Variants in LRP12 observed in about 807,000 individuals in gnomAD.
The protein encoded by LRP12 is LDL receptor related protein 12.
LRP12 carries 14 observed loss-of-function variants against 66.0 expected under a neutral mutation model. That is an observed-to-expected ratio of 0.21 (90% CI 0.14 to 0.33). LRP12 has a LOEUF of 0.33. Among genes scored for constraint, LRP12 ranks in the 10% least tolerant of loss-of-function variants. The pLI, the probability that LRP12 is intolerant of heterozygous loss-of-function variation, is 1.00. For missense variants in LRP12, 889 were observed against 1,053.4 expected (o/e 0.84, Z 2.16); for synonymous variants, 357 against 359.1 (o/e 0.99, Z 0.07).
rs373050108 is a variant in LRP12 at position 104,491,447 on chromosome 8, A to C, written c.1806T>G (p.Ile602Met). 63 of 1,613,996 alleles carry C rather than the reference A, an allele frequency of 3.9e-5. 1 individual carries two copies. The Middle Eastern group carries it at 3.9e-3, about 101-fold the overall frequency. ...TTGCAAAATTAAAAATACGGTTCCA[A>C]ATGTTGCTTGATCTGCCTGCCATAG... is the stretch of plus-strand genomic sequence containing the variant. ...RLPMAGRSSN[I>M]WNRIFNFARS... Residue 602 changes from isoleucine to methionine, a missense_variant, in exon 7 of 7, where the codon ATT (isoleucine) becomes ATG (methionine). Ile to Met is a conservative substitution (Grantham distance 10). Around this residue, in one of 3 missense-constraint regions of LRP12, gnomAD observed 800 missense variants for 964.5 expected, o/e 0.83. Transcript: ENST00000276654.
In LRP12 at chr8:104,537,569, G is replaced by A. The variant is rs1045139867; in HGVS notation, c.80-5606C>T. Among the ~76,000 whole-genome samples, 112 of 152,108 alleles carry A rather than the reference G, an allele frequency of 7.4e-4. 1 individual carries two copies. The highest frequency in any genetic ancestry group is 7.1e-3 in the Admixed American group (109 of 15,254). ...CAGGAAGTCCACCCACACCTTAGGA[G>A]TAGAGCTAACTGCCAAGTAAAAGCT... On this transcript the variant is annotated intron_variant, in intron 1 of 6. Transcript: ENST00000276654.
Position 104,489,285 on chromosome 8 carries a change from C to CAT in LRP12, c.*1386_*1387dup, listed in dbSNP as rs1184182682. On this transcript the variant is annotated 3_prime_UTR_variant, in exon 7 of 7. Transcript: ENST00000276654. ...AAAAAAATCATTTTAATTTTTGATA[C>CAT]ATATTAAAACATCTTAGTCAGTTCC... 1 of 152,420 alleles carries CAT rather than the reference C, an allele frequency of 6.6e-6. No homozygotes were observed. Among genetic ancestry groups the CAT allele is most frequent in the African/African-American group, 2.4e-5 (1 of 41,406 alleles). 9.4% of individuals were successfully genotyped at this position (152,420 alleles called of 1,614,324 possible).
At chr8:104,492,916 A>C (rs1015828393) in intron 6 of LRP12, among the ~76,000 whole-genome samples, 4 of 152,176 alleles carry the variant, frequency 2.6e-5, no homozygotes, top group Non-Finnish European at 5.9e-5. Context: ...CTGCTCCTCA[A>C]CAGTGAGCAT....
chr8:104,559,093 A>T (rs1005055532), intron 1 of LRP12, among the ~76,000 whole-genome samples: 4 of 152,218 alleles, frequency 2.6e-5, no homozygotes, highest in African/African-American at 9.6e-5. Context: ...TTGATACAGC[A>T]ATCCCACTAC....
intron 2 of LRP12, among the ~76,000 whole-genome samples, chr8:104,522,532 AAGATTCTAAGT>A (rs1811168269): frequency 6.6e-6 from 1 of 152,146 alleles, no homozygotes; most frequent in Admixed American, 6.6e-5. Flanking sequence ...TGCCTGACAG[AAGATTCTAAGT>A]CAAATGCAGA....
intron 2 of LRP12, among the ~76,000 whole-genome samples, chr8:104,513,331 TA>T (rs1453143596): frequency 1.3e-5 from 2 of 152,214 alleles, no homozygotes; most frequent in Admixed American, 1.3e-4. Flanking sequence ...GGGGCGCTAT[TA>T]ATAATTTCCT....
intron 1 of LRP12, among the ~76,000 whole-genome samples, chr8:104,539,663 T>A (rs1811444551): frequency 6.6e-6 from 1 of 152,132 alleles, no homozygotes; most frequent in Non-Finnish European, 1.5e-5. Context: ...GTATCACATA[T>A]ACAAATTATG....
chr8:104,540,050 CTGAG>C (rs1811452705), intron 1 of LRP12, among the ~76,000 whole-genome samples: 1 of 152,074 alleles, frequency 6.6e-6, no homozygotes, highest in African/African-American at 2.4e-5. Flanking sequence ...CACTTTCTCA[CTGAG>C]TGAGAACATT....
chr8:104,552,783 G>A (rs1298200868), intron 1 of LRP12, among the ~76,000 whole-genome samples: 1 of 152,136 alleles, frequency 6.6e-6, no homozygotes, highest in Non-Finnish European at 1.5e-5. Context: ...AGAGCAGTGT[G>A]TGGAGACCCA....
At chr8:104,512,610 G>T (rs1470278887) in intron 2 of LRP12, among the ~76,000 whole-genome samples, 1 of 151,996 alleles carries the variant, frequency 6.6e-6, no homozygotes, top group Admixed American at 6.5e-5. Context: ...GATTAATCTA[G>T]GACAAAGAAC....
intron 1 of LRP12, among the ~76,000 whole-genome samples, chr8:104,533,133 A>G (rs184641881): frequency 6.6e-6 from 1 of 152,256 alleles, no homozygotes; most frequent in Non-Finnish European, 1.5e-5. Flanking sequence ...AACAGTGGAA[A>G]TGATGAGATA....
intron 3 of LRP12, among the ~76,000 whole-genome samples, chr8:104,503,328 CAAAAAAAAAAAA>C (rs59353283): frequency 2.3e-4 from 7 of 30,094 alleles, no homozygotes; most frequent in East Asian, 1.6e-3. Context: ...CTGTGTCTCT[CAAAAAAAAAAAA>C]AAAAAAAAAA....
chr8:104,530,655 A>G (rs979078860), intron 2 of LRP12, among the ~76,000 whole-genome samples: 1 of 152,312 alleles, frequency 6.6e-6, no homozygotes, highest in African/African-American at 2.4e-5. Context: ...AGTTTTTAAA[A>G]GTTTATAATG....
At chr8:104,532,710 G>C (rs1564137553) in intron 1 of LRP12, among the ~76,000 whole-genome samples, 1 of 152,102 alleles carries the variant, frequency 6.6e-6, no homozygotes, top group Non-Finnish European at 1.5e-5. Flanking sequence ...GTTGAGAGTG[G>C]AGAAAATAGC....
intron 1 of LRP12, 151 bp from the exon 2 acceptor site, chr8:104,532,114 G>C (rs1292307528): frequency 1.9e-6 from 1 of 530,718 alleles, no homozygotes; most frequent in Non-Finnish European, 3.3e-6. Flanking sequence ...ACAATACTAG[G>C]AAGCTCAAAA....
chr8:104,554,458 G>A (rs1200028251), intron 1 of LRP12, among the ~76,000 whole-genome samples: 1 of 151,672 alleles, frequency 6.6e-6, no homozygotes, highest in South Asian at 2.1e-4. Flanking sequence ...GGAGATGAAG[G>A]GCACACTTAG....
chr8:104,558,963 T>C (rs572289939), intron 1 of LRP12, among the ~76,000 whole-genome samples: 1 of 152,166 alleles, frequency 6.6e-6, no homozygotes, highest in South Asian at 2.1e-4. Flanking sequence ...ATAACAGATA[T>C]TGGCATGGAA....
intron 6 of LRP12, among the ~76,000 whole-genome samples, chr8:104,494,401 A>C (rs893934431): frequency 1.3e-5 from 2 of 152,192 alleles, no homozygotes; most frequent in African/African-American, 4.8e-5. Context: ...TTTTGAAAGT[A>C]ATTATATTAC....
intron 1 of LRP12, among the ~76,000 whole-genome samples, chr8:104,559,131 C>T (rs963406347): frequency 2.0e-5 from 3 of 152,058 alleles, no homozygotes; most frequent in African/African-American, 4.8e-5. Context: ...GAAAAGAAGT[C>T]ATATGAAAAA....
Sources: gnomAD v4.1 joint callset for allele counts (sites outside exome capture counted in the v4.1 genomes callset) on GRCh38, gnomAD v4.1.1 for gene constraint, gnomAD v4.1.1 regional missense constraint, MANE v1.5 for transcripts, NCBI Gene and HGNC (gene_info 2026-07-23, HGNC 2026-07-21) for gene names.